The following TRPM3 variants were observed in gnomAD, a reference collection of about 807,000 sequenced individuals.
The protein encoded by TRPM3 is long transient receptor potential channel 3.
Under a neutral mutation model 181.2 loss-of-function variants are expected in TRPM3, and 77 were observed. That is an observed-to-expected ratio of 0.42 (90% CI 0.35 to 0.51). The LOEUF is 0.51. TRPM3 is among the 20% of genes least tolerant of loss of function. The pLI, the probability that TRPM3 is intolerant of heterozygous loss-of-function variation, is 0.01. For missense variants in TRPM3, 1,759 were observed against 2,196.7 expected (o/e 0.80, Z 3.98); for synonymous variants, 745 against 796.4 (o/e 0.94, Z 1.09).
intron 10 of TRPM3, among the ~76,000 whole-genome samples, 188 bp from the exon 11 acceptor site, chr9:70,639,382 G>A (rs1028736405): frequency 3.3e-5 from 5 of 152,112 alleles, no homozygotes; most frequent in Non-Finnish European, 7.3e-5. Flanking sequence ...CCCATGTTTG[G>A]GTGCCTGTCT....
intron 1 of TRPM3, among the ~76,000 whole-genome samples, chr9:70,969,808 T>C (rs1438501355): frequency 7.4e-6 from 1 of 134,830 alleles, no homozygotes; most frequent in Non-Finnish European, 1.6e-5. Flanking sequence ...ATTATATAAT[T>C]ATGTGTATGT....
In TRPM3 at chr9:71,155,860, T is replaced by C. The variant is rs180884112; in HGVS notation, c.183+290793A>G. 1.8e-3 allele frequency among the ~76,000 whole-genome samples: 273 copies of C among 152,226 alleles called. 3 individuals carry two copies. The highest frequency in any genetic ancestry group is 1.5e-3 in the Non-Finnish European group (102 of 68,020). Reference sequence around the variant, plus strand: ...GTTATGCTGGGAGACACTCATAGACTGTCACTCTGAAAAAACTTAGGAATG... The same window carrying C: ...GTTATGCTGGGAGACACTCATAGACCGTCACTCTGAAAAAACTTAGGAATG... On this transcript the variant is annotated intron_variant, in intron 1 of 24. Transcript: ENST00000357533.
chr9:71,030,129 T>C (rs1002874874), intron 1 of TRPM3, among the ~76,000 whole-genome samples: 2 of 152,240 alleles, frequency 1.3e-5, no homozygotes, highest in Non-Finnish European at 1.5e-5. Flanking sequence ...TCAGGAAATA[T>C]ATTTCATTTC....
intron 22 of TRPM3, among the ~76,000 whole-genome samples, chr9:70,560,504 G>A (rs1238052309): frequency 1.3e-5 from 2 of 152,156 alleles, no homozygotes; most frequent in Admixed American, 1.3e-4. Context: ...GACATGATAG[G>A]TCTAATGTTT....
At chr9:71,155,432 C>T (rs1163484197) in intron 1 of TRPM3, among the ~76,000 whole-genome samples, 1 of 151,904 alleles carries the variant, frequency 6.6e-6, no homozygotes, top group East Asian at 1.9e-4. Flanking sequence ...AATTCTCCTG[C>T]CTCAGCCTCC....
chr9:71,276,578 T>C (rs2084231436), intron 1 of TRPM3, among the ~76,000 whole-genome samples: 1 of 152,188 alleles, frequency 6.6e-6, no homozygotes, highest in South Asian at 2.1e-4. Context: ...ACCCTTTTAG[T>C]AATCAAAGAA....
chr9:70,954,653 A>T (rs116053385), intron 1 of TRPM3, among the ~76,000 whole-genome samples: 2,298 of 152,112 alleles, frequency 0.015, 60 homozygotes, highest in African/African-American at 0.053. Context: ...TTTCACACTT[A>T]AAAAAAACTC....
chr9:70,771,371 A>G (rs1021574580), intron 7 of TRPM3, among the ~76,000 whole-genome samples: 1 of 152,156 alleles, frequency 6.6e-6, no homozygotes, highest in Admixed American at 6.5e-5. Context: ...CTGGATTTAG[A>G]AGCCAAGAGA....
chr9:70,684,238 G>A (rs552909078), intron 8 of TRPM3, among the ~76,000 whole-genome samples: 1 of 152,332 alleles, frequency 6.6e-6, no homozygotes, highest in Non-Finnish European at 1.5e-5. Context: ...GGTAAATGCA[G>A]TGTTTCCATA....
chr9:70,603,209 A>C, intron 20 of TRPM3, 133 bp downstream of exon 20: 1 of 1,073,538 alleles, frequency 9.3e-7, no homozygotes, highest in Non-Finnish European at 1.3e-6. Flanking sequence ...GGAGCAAAGA[A>C]GCAGCTGTGG....
At chr9:71,237,181 A>G (rs2081409513) in intron 1 of TRPM3, among the ~76,000 whole-genome samples, 2 of 152,144 alleles carry the variant, frequency 1.3e-5, no homozygotes, top group African/African-American at 4.8e-5. Flanking sequence ...TGCTGTGCTG[A>G]TATGTACAAG....
chr9:71,174,729 G>A (rs903550721), intron 1 of TRPM3, among the ~76,000 whole-genome samples: 5 of 152,080 alleles, frequency 3.3e-5, no homozygotes, highest in African/African-American at 7.2e-5. Context: ...AGAAGCCATC[G>A]GGTATCTGGA....
chr9:70,921,987 T>C (rs2096662331), intron 1 of TRPM3, among the ~76,000 whole-genome samples: 1 of 121,902 alleles, frequency 8.2e-6, no homozygotes, highest in African/African-American at 3.7e-5. Flanking sequence ...ATAGTTATTT[T>C]TGTGGTTCTA....
intron 6 of TRPM3, among the ~76,000 whole-genome samples, chr9:70,794,027 T>C (rs1461568594): frequency 6.6e-6 from 1 of 152,120 alleles, no homozygotes; most frequent in Non-Finnish European, 1.5e-5. Context: ...CATAACCCCA[T>C]CATAATTGGA....
At chr9:70,591,293 T>C (rs2058068899) in intron 21 of TRPM3, 88 bp from the exon 22 acceptor site, 1 of 1,149,688 alleles carries the variant, frequency 8.7e-7, no homozygotes, top group Middle Eastern at 2.4e-4. Context: ...TGGGAACCTT[T>C]GGAGGAGGTC....
intron 1 of TRPM3, among the ~76,000 whole-genome samples, chr9:71,198,750 T>G (rs1182197598): frequency 6.6e-6 from 1 of 150,886 alleles, no homozygotes; most frequent in South Asian, 2.1e-4. Context: ...TGAAGTTGCT[T>G]ATCAGCTTAA....
intron 6 of TRPM3, among the ~76,000 whole-genome samples, chr9:70,804,477 TTCTC>T (rs1490012954): frequency 1.3e-5 from 2 of 152,186 alleles, no homozygotes; most frequent in Non-Finnish European, 2.9e-5. Flanking sequence ...GTTTTTCTCT[TTCTC>T]TCATTAATTT....
At chr9:71,379,386 G>A (rs2092740393) in intron 1 of TRPM3, among the ~76,000 whole-genome samples, 1 of 152,010 alleles carries the variant, frequency 6.6e-6, no homozygotes, top group Non-Finnish European at 1.5e-5. Flanking sequence ...CAATCCTTTA[G>A]CATAGTCAAT....
At chr9:71,281,821 G>A (rs1360462446) in intron 1 of TRPM3, among the ~76,000 whole-genome samples, 1 of 152,134 alleles carries the variant, frequency 6.6e-6, no homozygotes, top group Non-Finnish European at 1.5e-5. Context: ...CAGCACTTTG[G>A]GAGGCCAAGG....
Sources: gnomAD v4.1 joint callset for allele counts (sites outside exome capture counted in the v4.1 genomes callset) on GRCh38, gnomAD v4.1.1 for gene constraint, MANE v1.5 for transcripts, NCBI Gene and HGNC (gene_info 2026-07-23, HGNC 2026-07-21) for gene names.